IL1RAP: variants seen among roughly 807,000 people sequenced by gnomAD.
IL1RAP encodes the protein interleukin-1 receptor accessory protein.
IL1RAP carries 35 observed loss-of-function variants against 60.7 expected under a neutral mutation model. The observed-to-expected ratio is 0.58, with a 90% CI of 0.44 to 0.76. The LOEUF is 0.76. Ranked by LOEUF, IL1RAP falls within the 30% of genes least tolerant of loss-of-function variation. IL1RAP has a pLI of 0.00. For missense variants in IL1RAP, 572 were observed against 693.9 expected, an observed-to-expected ratio of 0.82 and a Z score of 1.97; for synonymous variants, 268 against 250.9, an observed-to-expected ratio of 1.07 and a Z score of -0.64.
intron 4 of IL1RAP, among the ~76,000 whole-genome samples, chr3:190,605,410 C>A (rs1390472398): frequency 6.6e-6 from 1 of 152,076 alleles, no homozygotes; most frequent in Non-Finnish European, 1.5e-5. Flanking sequence ...TAGCCCTTTT[C>A]AGGGTTAATT....
intron 2 of IL1RAP, among the ~76,000 whole-genome samples, chr3:190,558,679 C>T (rs1158073512): frequency 2.0e-5 from 3 of 151,894 alleles, no homozygotes; most frequent in Non-Finnish European, 4.4e-5. Flanking sequence ...CAAAATTTTT[C>T]TCAATGTCTT....
intron 11 of IL1RAP, among the ~76,000 whole-genome samples, chr3:190,647,220 C>T (rs1247967846): frequency 6.6e-6 from 1 of 152,196 alleles, no homozygotes; most frequent in East Asian, 1.9e-4. Flanking sequence ...AACACACAAT[C>T]ATTCCTGGAT....
chr3:190,644,390 C>T lies in IL1RAP; in HGVS notation c.1194C>T (p.Thr398=). ...FYRAHFGTDE[T]ILDGKEYDIY... is the part of the protein sequence containing the mutation. ...GGGCTCATTTTGGAACAGATGAAAC[C>T]ATTTTAGGTAAGTAACAGAAATTTG... Residue 398 remains threonine (T), a synonymous_variant, in exon 10 of 12, where the codon ACC becomes ACT. Transcript: ENST00000447382. 1 of 1,612,398 alleles carries T rather than the reference C, an allele frequency of 6.2e-7. No homozygotes were observed. The highest frequency in any genetic ancestry group is 8.5e-7 in the Non-Finnish European group (1 of 1,178,678).
At chr3:190,564,264 C>T (rs1471507441) in intron 2 of IL1RAP, 25 bp from the exon 3 acceptor site, 3 of 1,519,370 alleles carry the variant, frequency 2.0e-6, no homozygotes, top group Admixed American at 3.3e-5. Flanking sequence ...AGTGATTTCC[C>T]TTACCTTTGT....
At chr3:190,641,180 G>T (rs1256918703) in intron 9 of IL1RAP, among the ~76,000 whole-genome samples, 3 of 152,144 alleles carry the variant, frequency 2.0e-5, no homozygotes, top group African/African-American at 7.2e-5. Flanking sequence ...GGTCAGGCTG[G>T]TCTCAAACTC....
chr3:190,533,007 G>T (rs956216955), intron 1 of IL1RAP, among the ~76,000 whole-genome samples: 2 of 152,174 alleles, frequency 1.3e-5, no homozygotes, highest in Admixed American at 6.5e-5. Context: ...GGAGAGGGGA[G>T]TAAGGGAACA....
chr3:190,599,991 C>G (rs576145086), intron 3 of IL1RAP, among the ~76,000 whole-genome samples: 1 of 151,722 alleles, frequency 6.6e-6, no homozygotes, highest in South Asian at 2.1e-4. Context: ...TACATGTTTA[C>G]TTTTCCTTGA....
At chr3:190,524,879 T>C (rs756526696) in intron 1 of IL1RAP, among the ~76,000 whole-genome samples, 12 of 152,140 alleles carry the variant, frequency 7.9e-5, no homozygotes, top group Non-Finnish European at 1.8e-4. Context: ...CACACATATA[T>C]ATACACATTT....
intron 1 of IL1RAP, among the ~76,000 whole-genome samples, chr3:190,517,410 ACT>A (rs1357130537): frequency 2.6e-5 from 4 of 152,140 alleles, no homozygotes; most frequent in African/African-American, 9.7e-5. Context: ...TTTTGTGGGT[ACT>A]GAGTAGAGTA....
chr3:190,644,896 G>C (rs1052505892), intron 10 of IL1RAP, among the ~76,000 whole-genome samples: 1 of 152,008 alleles, frequency 6.6e-6, no homozygotes, highest in African/African-American at 2.4e-5. Flanking sequence ...CTCGTGACTC[G>C]TGGCTGCTGT....
At chr3:190,615,090 T>A (rs1290326719) in intron 5 of IL1RAP, among the ~76,000 whole-genome samples, 1 of 151,512 alleles carries the variant, frequency 6.6e-6, no homozygotes, top group East Asian at 1.9e-4. Flanking sequence ...CGGAAAAAAA[T>A]TCTGCCATGA....
At chr3:190,518,419 C>G (rs1426381942) in intron 1 of IL1RAP, 2 of 152,194 alleles carry the variant, frequency 1.3e-5, no homozygotes, top group Non-Finnish European at 2.9e-5. Flanking sequence ...TTAACAGGTA[C>G]TCTTTACTTG....
intron 1 of IL1RAP, among the ~76,000 whole-genome samples, chr3:190,540,027 CT>C (rs1426799816): frequency 1.3e-5 from 2 of 152,000 alleles, no homozygotes; most frequent in African/African-American, 4.8e-5. Flanking sequence ...AAACATAATG[CT>C]ACTTGTTTCA....
chr3:190,577,692 A>G (rs1727617947), intron 3 of IL1RAP, among the ~76,000 whole-genome samples: 1 of 151,984 alleles, frequency 6.6e-6, no homozygotes, highest in Non-Finnish European at 1.5e-5. Context: ...CACCAGGCTC[A>G]GCTAATTTTT....
intron 3 of IL1RAP, among the ~76,000 whole-genome samples, chr3:190,572,620 A>G (rs532879482): frequency 6.6e-6 from 1 of 152,314 alleles, no homozygotes; most frequent in South Asian, 2.1e-4. Context: ...CATTTTTAAT[A>G]CCACATTTAA....
rs200956204 is a variant in IL1RAP, at chr3:190,556,371, A to AT, written c.-2+161dup. ...AACACTAATTGTCATAATATATAGC[A>AT]TTTTTTATATATATATATGTATGTA... is the stretch of plus-strand genomic sequence containing the variant. On this transcript the variant is annotated intron_variant, in intron 2 of 11. Coordinates refer to ENST00000447382, the MANE Select transcript of IL1RAP (RefSeq NM_002182.4). 1.1e-4 allele frequency among the ~76,000 whole-genome samples: 16 copies of AT among 152,120 alleles called. No homozygotes were observed. The Middle Eastern group carries it at 0.014, about 130-fold the overall frequency.
intron 9 of IL1RAP, chr3:190,630,334 C>A: frequency 3.4e-6 from 1 of 290,044 alleles, no homozygotes; most frequent in Non-Finnish European, 5.1e-6. Context: ...AACACAGAAT[C>A]CCAGAAAATC....
rs985162339 is a variant in IL1RAP, at chr3:190,651,292, C to T, written c.*2587C>T. On this transcript the variant is annotated 3_prime_UTR_variant, in exon 12 of 12. Coordinates refer to ENST00000447382, the MANE Select transcript of IL1RAP (RefSeq NM_002182.4). ...CATATACGATTTATTTAATTCTCTT[C>T]TGTATTGTAACTTAGATGATTCCCA... 39 of 951,462 alleles carry T rather than the reference C, an allele frequency of 4.1e-5. No homozygotes were observed. The highest frequency in any genetic ancestry group is 4.6e-5 in the Non-Finnish European group (37 of 799,150). 58.9% of individuals were successfully genotyped at this position (951,462 alleles called of 1,614,324 possible).
chr3:190,557,146 G>A (rs1725496403), intron 2 of IL1RAP, among the ~76,000 whole-genome samples: 1 of 152,182 alleles, frequency 6.6e-6, no homozygotes. Flanking sequence ...TAAGAGGTCA[G>A]TATGAATATT....
Sources: allele counts gnomAD v4.1 joint callset (sites outside exome capture counted in the v4.1 genomes callset), GRCh38; gene constraint gnomAD v4.1.1; transcripts MANE v1.5; gene names NCBI Gene and HGNC (gene_info 2026-07-23, HGNC 2026-07-21).